NBEA: variants seen among roughly 807,000 people sequenced by gnomAD.
NBEA encodes the protein lysosomal-trafficking regulator 2.
NBEA carries 44 observed loss-of-function variants against 343.4 expected under a neutral mutation model. The observed-to-expected ratio is 0.13, with a 90% CI of 0.10 to 0.16. The LOEUF (loss-of-function observed/expected upper bound fraction) is 0.16. NBEA is among the 10% of genes least tolerant of loss of function. The pLI, the probability that NBEA is intolerant of heterozygous loss-of-function variation, is 1.00. For missense variants in NBEA, 2,555 were observed against 3,631.3 expected, an observed-to-expected ratio of 0.70 and a Z score of 7.62; for synonymous variants, 1,175 against 1,238.7, an observed-to-expected ratio of 0.95 and a Z score of 1.08.
At chr13:35,176,774 T>A (rs959330241) in intron 27 of NBEA, among the ~76,000 whole-genome samples, 1 of 151,920 alleles carries the variant, frequency 6.6e-6, no homozygotes, top group Non-Finnish European at 1.5e-5. Flanking sequence ...TATGAGTCTA[T>A]AGTGGTAGCT....
At chr13:35,254,324 CTTTTTTT>C (rs377465927) in intron 34 of NBEA, among the ~76,000 whole-genome samples, 1 of 132,806 alleles carries the variant, frequency 7.5e-6, no homozygotes, top group Non-Finnish European at 1.6e-5. Context: ...TTATTTTTTA[CTTTTTTT>C]TTTTTTTTTT....
intron 10 of NBEA, among the ~76,000 whole-genome samples, chr13:35,071,400 A>G (rs1201992572): frequency 6.6e-6 from 1 of 152,026 alleles, no homozygotes; most frequent in Non-Finnish European, 1.5e-5. Flanking sequence ...ATGTTTATGT[A>G]AAAATTAAAT....
At chr13:35,222,488 T>A (rs887344704) in intron 33 of NBEA, among the ~76,000 whole-genome samples, 2 of 152,134 alleles carry the variant, frequency 1.3e-5, no homozygotes, top group African/African-American at 4.8e-5. Flanking sequence ...TGTTTTAGAA[T>A]AAATTGTTAC....
At chr13:35,657,142 A>G (rs2084849391) in intron 55 of NBEA, among the ~76,000 whole-genome samples, 1 of 152,224 alleles carries the variant, frequency 6.6e-6, no homozygotes, top group Non-Finnish European at 1.5e-5. Context: ...GGAGAAATAC[A>G]TTTGTATGAG....
At chr13:35,069,812 A>G in intron 8 of NBEA, 96 bp from the exon 9 acceptor site, 1 of 805,280 alleles carries the variant, frequency 1.2e-6, no homozygotes, top group Non-Finnish European at 1.9e-6. Flanking sequence ...AAAGGTACAC[A>G]AGTAGTTTAT....
rs36053692 is a variant in NBEA at position 35,139,057 on chromosome 13, C to CTTTT, written c.2337-3194_2337-3191dup. Among the ~76,000 whole-genome samples, 439 of 97,834 alleles carry CTTTT rather than the reference C, an allele frequency of 4.5e-3. 15 individuals carry two copies. The highest frequency in any genetic ancestry group is 7.6e-3 in the African/African-American group (180 of 23,544). The allele number at this position is 97,834 out of a possible 152,430, so 64.2% of individuals were successfully genotyped here. A position where few individuals can be genotyped will look rare whatever the true frequency, so the allele number is the denominator to read the frequency against. The stretch of plus-strand genomic sequence containing the variant: ...ACTCTGAATTTGTTACAAGAAATAT[C>CTTTT]TTTTTTTTTTTTTTTTTTTTTGAGA... On this transcript the variant is annotated intron_variant, in intron 17 of 58. Transcript: ENST00000379939.
chr13:35,073,064 A>G, intron 10 of NBEA, among the ~76,000 whole-genome samples: 1 of 152,070 alleles, frequency 6.6e-6, no homozygotes, highest in East Asian at 1.9e-4. Context: ...TCAGTAATAC[A>G]GTCTTTTGTT....
At chr13:35,579,702 T>C (rs1458265415) in intron 45 of NBEA, among the ~76,000 whole-genome samples, 1 of 152,152 alleles carries the variant, frequency 6.6e-6, no homozygotes, top group Non-Finnish European at 1.5e-5. Context: ...TAAACAATTA[T>C]ATTTACTATA....
At chr13:35,176,970 A>G (rs1161853428) in intron 27 of NBEA, 26 bp from the exon 28 acceptor site, 2 of 1,400,586 alleles carry the variant, frequency 1.4e-6, no homozygotes, top group East Asian at 2.5e-5. Flanking sequence ...TATATTATCT[A>G]TTCACAATTC....
chr13:35,486,066 T>C (rs2076293601), intron 41 of NBEA, among the ~76,000 whole-genome samples: 1 of 152,042 alleles, frequency 6.6e-6, no homozygotes, highest in East Asian at 1.9e-4. Flanking sequence ...TATGTTCTTC[T>C]CTTCACCTGA....
chr13:35,158,187 G>A (rs1034309011), intron 21 of NBEA, among the ~76,000 whole-genome samples: 3 of 152,014 alleles, frequency 2.0e-5, no homozygotes, highest in Non-Finnish European at 4.4e-5. Context: ...TTCTTCTTCT[G>A]TAAAATTAAG....
intron 1 of NBEA, among the ~76,000 whole-genome samples, chr13:34,951,948 T>G (rs2059362779): frequency 2.0e-5 from 3 of 152,242 alleles, no homozygotes; most frequent in South Asian, 4.1e-4. Context: ...GTTTAATAGC[T>G]CTTAACTATT....
intron 24 of NBEA, among the ~76,000 whole-genome samples, chr13:35,165,468 C>G (rs2069937895): frequency 6.6e-6 from 1 of 152,122 alleles, no homozygotes; most frequent in African/African-American, 2.4e-5. Flanking sequence ...GGGCCTTAAT[C>G]AAATTAGCAG....
At chr13:35,485,440 T>C (rs150099577) in intron 41 of NBEA, among the ~76,000 whole-genome samples, 1 of 152,230 alleles carries the variant, frequency 6.6e-6, no homozygotes, top group East Asian at 1.9e-4. Context: ...TGGCATCTTG[T>C]TGTCTAGAGG....
chr13:35,111,041 T>C lies in NBEA; in HGVS notation c.2002+63T>C. On this transcript the variant is annotated intron_variant, in intron 13 of 58. Coordinates refer to ENST00000379939, the MANE Select transcript of NBEA (RefSeq NM_001385012.1). ...TGATTATTCTGTATTCTGAGTACTG[T>C]TAAAGTGAGCAGTGTACATGACTAT... 3 of 1,390,200 alleles carry C rather than the reference T, an allele frequency of 2.2e-6. No homozygotes were observed. In the South Asian group the frequency reaches 4.4e-5, roughly 20 times the overall value. The allele number at this position is 1,390,200 out of a possible 1,614,324, so 86.1% of individuals were successfully genotyped here.
intron 36 of NBEA, among the ~76,000 whole-genome samples, chr13:35,325,571 A>G (rs2038495018): frequency 6.6e-6 from 1 of 152,094 alleles, no homozygotes; most frequent in African/African-American, 2.4e-5. Flanking sequence ...TTACAGACTC[A>G]TATCCATCAT....
chr13:35,233,142 A>T (rs73491675), intron 34 of NBEA, among the ~76,000 whole-genome samples: 1 of 152,238 alleles, frequency 6.6e-6, no homozygotes, highest in African/African-American at 2.4e-5. Context: ...TTACAAGGAG[A>T]GTGGCTTTGA....
chr13:35,586,847 T>C (rs1296384934), intron 46 of NBEA, among the ~76,000 whole-genome samples: 2 of 152,150 alleles, frequency 1.3e-5, no homozygotes, highest in East Asian at 3.9e-4. Context: ...TCCAGATACA[T>C]GGACACATAA....
At chr13:35,379,346 A>G (rs369935195) in intron 38 of NBEA, among the ~76,000 whole-genome samples, 1 of 152,032 alleles carries the variant, frequency 6.6e-6, no homozygotes, top group Non-Finnish European at 1.5e-5. Flanking sequence ...TCACTTCCCT[A>G]TCTTCTTTTG....
Sources: allele counts gnomAD v4.1 joint callset (sites outside exome capture counted in the v4.1 genomes callset), GRCh38; gene constraint gnomAD v4.1.1; transcripts MANE v1.5; gene names NCBI Gene and HGNC (gene_info 2026-07-23, HGNC 2026-07-21).